Variants in AKAP9 observed in about 807,000 individuals in gnomAD.
The protein encoded by AKAP9 is A-kinase anchoring protein 9, also known as A-kinase anchor protein 9.
A neutral mutation model predicts 488.5 loss-of-function variants in AKAP9; 311 were observed. That is an observed-to-expected ratio of 0.64 (90% CI 0.58 to 0.70). The LOEUF (loss-of-function observed/expected upper bound fraction) is 0.70. Among genes scored for constraint, AKAP9 ranks in the 30% least tolerant of loss-of-function variants. The pLI, the probability that AKAP9 is intolerant of heterozygous loss-of-function variation, is 0.00. For missense variants in AKAP9, 4,215 were observed against 4,374.5 expected, an observed-to-expected ratio of 0.96 and a Z score of 1.03; for synonymous variants, 1,462 against 1,483.5, an observed-to-expected ratio of 0.99 and a Z score of 0.33.
chr7:92,062,187 A>T (rs1809977449), intron 23 of AKAP9, 87 bp from the exon 24 acceptor site: 1 of 1,213,814 alleles, frequency 8.2e-7, no homozygotes, highest in East Asian at 2.4e-5. Context: ...TTTTGCTAAC[A>T]GTATACCTTT....
Position 92,070,010 on chromosome 7 carries a change from T to C in AKAP9, c.6331-20T>C, listed in dbSNP as rs775762165. The C allele has an allele frequency of 6.2e-7, 1 of 1,605,498 alleles. No individual in the cohort carries two copies. The highest frequency in any genetic ancestry group is 1.1e-5 in the South Asian group (1 of 89,328). ...GCTGAAATTTTTTTTAAATTAAATT[T>C]TTTGCCTCTTATATTTCAGGTTGAA... On this transcript the variant is annotated intron_variant, in intron 26 of 49. Coordinates refer to ENST00000356239, the MANE Select transcript of AKAP9 (RefSeq NM_005751.5).
chr7:91,999,888 C>T (rs1295923280), intron 7 of AKAP9, among the ~76,000 whole-genome samples: 1 of 149,100 alleles, frequency 6.7e-6, no homozygotes, highest in African/African-American at 2.5e-5. Context: ...ATTCAAGGCA[C>T]CTTTAAGTCC....
chr7:91,984,165 G>T (rs1339604131), intron 3 of AKAP9, among the ~76,000 whole-genome samples: 2 of 152,124 alleles, frequency 1.3e-5, no homozygotes, highest in Non-Finnish European at 2.9e-5. Flanking sequence ...TTTGGCTTTT[G>T]TTGCTATTGC....
intron 40 of AKAP9, 42 bp from the exon 41 acceptor site, chr7:92,096,646 TA>T: frequency 6.2e-7 from 1 of 1,610,666 alleles, no homozygotes; most frequent in Non-Finnish European, 8.5e-7. Context: ...CAAGTATTTT[TA>T]ATAATATTAA....
chr7:92,005,476 A>T (rs1480939805), intron 8 of AKAP9, among the ~76,000 whole-genome samples: 1 of 152,068 alleles, frequency 6.6e-6, no homozygotes, highest in Non-Finnish European at 1.5e-5. Context: ...AAGAGACCAG[A>T]CCTTGGAGAA....
intron 46 of AKAP9, among the ~76,000 whole-genome samples, chr7:92,104,286 G>A (rs1480099643): frequency 6.6e-6 from 1 of 151,542 alleles, no homozygotes; most frequent in Non-Finnish European, 1.5e-5. Flanking sequence ...CGCCTCCCGG[G>A]TTCATGCCAT....
intron 24 of AKAP9, among the ~76,000 whole-genome samples, chr7:92,064,700 A>C (rs1810485932): frequency 6.6e-6 from 1 of 152,238 alleles, no homozygotes; most frequent in South Asian, 2.1e-4. Context: ...GGATCTAATA[A>C]GGAGTAAGAC....
chr7:92,086,722 C>T (rs1004674771), intron 37 of AKAP9, among the ~76,000 whole-genome samples: 16 of 152,118 alleles, frequency 1.1e-4, no homozygotes, highest in African/African-American at 2.9e-4. Context: ...GAACATTGAG[C>T]GGTCATTGCT....
chr7:92,047,812 A>G (rs1807263017), intron 21 of AKAP9, among the ~76,000 whole-genome samples: 1 of 152,226 alleles, frequency 6.6e-6, no homozygotes, highest in Admixed American at 6.5e-5. Flanking sequence ...TAGTGTATAG[A>G]ATATTGTAGC....
intron 45 of AKAP9, 146 bp from the exon 46 acceptor site, chr7:92,102,448 T>TTACTACTACTACTACTACTACTAC (rs11276778): frequency 9.9e-5 from 59 of 594,738 alleles, no homozygotes; most frequent in Admixed American, 2.3e-4. Flanking sequence ...CGTTTTACTA[T>TTACTACTACTACTACTACTACTAC]TACTACTACT....
At chr7:92,063,872 C>T (rs1239971163) in intron 24 of AKAP9, among the ~76,000 whole-genome samples, 1 of 152,090 alleles carries the variant, frequency 6.6e-6, no homozygotes, top group East Asian at 1.9e-4. Context: ...CCTCCGCCTC[C>T]TGGGTTCAAG....
intron 1 of AKAP9, among the ~76,000 whole-genome samples, chr7:91,944,544 G>A (rs1035403579): frequency 6.6e-6 from 1 of 151,730 alleles, no homozygotes; most frequent in African/African-American, 2.4e-5. Context: ...TTACCACCAC[G>A]CCTGGCTAAT....
chr7:91,947,412 G>A (rs1189692229), intron 1 of AKAP9, among the ~76,000 whole-genome samples: 2 of 150,662 alleles, frequency 1.3e-5, no homozygotes, highest in African/African-American at 2.4e-5. Flanking sequence ...GCACGATCTC[G>A]GCTCACTGCA....
At position 92,098,142 on chromosome 7, in the gene AKAP9, C is replaced by A. The variant is rs528888059; in HGVS notation, c.10641C>A (p.Phe3547Leu). 6.2e-6 allele frequency: 10 copies of A among 1,612,540 alleles called. 1 individual carries two copies. In the East Asian group the frequency reaches 2.0e-4, roughly 32 times the overall value. Residue 3547 changes from phenylalanine to leucine, a missense_variant, in exon 43 of 50, where the codon TTC becomes TTA. Coordinates refer to ENST00000356239, the MANE Select transcript of AKAP9 (RefSeq NM_005751.5). The part of the protein sequence containing the change: ...LQFETADDED[F>L]IWVQENIDEI... ...TTGAAACAGCAGATGATGAAGATTT[C>A]ATTTGGGTTCAGGAAAATATTGATG...
intron 33 of AKAP9, among the ~76,000 whole-genome samples, chr7:92,084,408 C>A (rs1814138822): frequency 2.0e-5 from 3 of 150,966 alleles, no homozygotes; most frequent in Admixed American, 2.0e-4. Flanking sequence ...ATATGATGTT[C>A]CTGTATGGAT....
chr7:91,995,868 G>A, intron 7 of AKAP9, 68 bp downstream of exon 7: 1 of 1,265,460 alleles, frequency 7.9e-7, no homozygotes, highest in Non-Finnish European at 1.1e-6. Context: ...TTATGCAAGT[G>A]GTTTTTTTTT....
chr7:91,999,900 G>GT (rs1798931101), intron 7 of AKAP9, among the ~76,000 whole-genome samples: 1 of 152,094 alleles, frequency 6.6e-6, no homozygotes, highest in African/African-American at 2.4e-5. Flanking sequence ...TTTAAGTCCT[G>GT]TTTGCCTGGG....
chr7:92,037,680 T>G (rs1208738250), intron 16 of AKAP9, among the ~76,000 whole-genome samples: 18 of 152,288 alleles, frequency 1.2e-4, no homozygotes. Context: ...AAGGTCAAAT[T>G]GGATTATAAT....
intron 37 of AKAP9, among the ~76,000 whole-genome samples, chr7:92,087,120 T>G (rs186942249): frequency 2.0e-5 from 3 of 152,362 alleles, no homozygotes; most frequent in Admixed American, 6.5e-5. Flanking sequence ...TTAAATTTTT[T>G]GCTGCTGTAT....
Sources: gnomAD v4.1 joint callset for allele counts (sites outside exome capture counted in the v4.1 genomes callset) on GRCh38, gnomAD v4.1.1 for gene constraint, MANE v1.5 for transcripts, NCBI Gene and HGNC (gene_info 2026-07-23, HGNC 2026-07-21) for gene names.